NPFFR1: variants seen among roughly 807,000 people sequenced by gnomAD.
NPFFR1 encodes neuropeptide FF receptor 1.
In NPFFR1, 17 loss-of-function variants were observed where a neutral mutation model predicts 12.7. The ratio of observed to expected loss-of-function variants is 1.34; its 90% CI spans 0.92 to 2.01. The LOEUF is 2.01. NPFFR1 is among the 30% of genes most tolerant of loss of function. The pLI is 0.00. For synonymous variants in NPFFR1, 296 were observed against 264.5 expected (o/e 1.12, Z -1.16); for missense variants, 604 against 606.5 (o/e 1.00, Z 0.04).
At chr10:70,264,158 G>A (rs1426692012) in intron 2 of NPFFR1, among the ~76,000 whole-genome samples, 3 of 152,096 alleles carry the variant, frequency 2.0e-5, no homozygotes, top group African/African-American at 7.2e-5. Context: ...CAGGTCACTT[G>A]AGATCAAGAG....
chr10:70,283,728 C>A lies in NPFFR1; in HGVS notation c.-52G>T, dbSNP rs959346752. 3.3e-6 allele frequency: 5 copies of A among 1,531,078 alleles called. No homozygotes were observed. In the African/African-American group the frequency reaches 5.5e-5, roughly 17 times the overall value. The allele number at this position is 1,531,078 out of a possible 1,614,324, so 94.8% of individuals were successfully genotyped here. A position where few individuals can be genotyped will look rare whatever the true frequency, so the allele number is the denominator to read the frequency against. ...GTCTCCGATGGCGGGAGGCAGCGGGCCCCTTCGGGCCAGCGGGCAGAGGGA... is the reference window on the plus strand; with the variant it reads ...GTCTCCGATGGCGGGAGGCAGCGGGACCCTTCGGGCCAGCGGGCAGAGGGA... On this transcript the variant is annotated 5_prime_UTR_variant, in exon 1 of 4. Coordinates refer to ENST00000277942, the MANE Select transcript of NPFFR1 (RefSeq NM_022146.5).
At chr10:70,268,577 G>A (rs1255560985) in intron 1 of NPFFR1, among the ~76,000 whole-genome samples, 1 of 152,134 alleles carries the variant, frequency 6.6e-6, no homozygotes, top group Non-Finnish European at 1.5e-5. Context: ...AGCTGGGGCT[G>A]GGAGGTCCAA....
intron 1 of NPFFR1, among the ~76,000 whole-genome samples, chr10:70,282,189 C>T (rs1156565542): frequency 1.3e-5 from 2 of 152,110 alleles, no homozygotes; most frequent in African/African-American, 2.4e-5. Context: ...ATGTCTTCTT[C>T]CTATCGCTTG....
At chr10:70,266,954 C>T (rs760535301) in intron 1 of NPFFR1, among the ~76,000 whole-genome samples, 7 of 152,238 alleles carry the variant, frequency 4.6e-5, no homozygotes, top group Non-Finnish European at 7.3e-5. Flanking sequence ...CTTCCCTCTC[C>T]TTGCACTCAA....
intron 2 of NPFFR1, among the ~76,000 whole-genome samples, chr10:70,264,568 T>C (rs1564595039): frequency 1.3e-5 from 2 of 152,198 alleles, no homozygotes; most frequent in Admixed American, 6.5e-5. Flanking sequence ...AACATGTAAG[T>C]TTATTTTAAT....
chr10:70,270,526 C>T (rs540169784), intron 1 of NPFFR1, among the ~76,000 whole-genome samples: 3 of 152,338 alleles, frequency 2.0e-5, no homozygotes, highest in South Asian at 4.1e-4. Context: ...GCTCATCTTC[C>T]GAAGTCTGTC....
At position 70,260,632 on chromosome 10, in the gene NPFFR1, C is replaced by G; in HGVS notation, c.422+8G>C. 1 of 1,603,334 alleles carries G rather than the reference C, an allele frequency of 6.2e-7. No homozygotes were observed. The highest frequency in any genetic ancestry group is 8.5e-7 in the Non-Finnish European group (1 of 1,174,820). ...GCTCAGGCATAATCCAGCCAGGAAA[C>G]CTCTCACCTTTCCACAGCAATGGCC... is the stretch of plus-strand genomic sequence containing the variant. On this transcript the variant is annotated splice_region_variant and intron_variant, in intron 3 of 3. Coordinates refer to ENST00000277942, the MANE Select transcript of NPFFR1 (RefSeq NM_022146.5).
In NPFFR1 at chr10:70,268,278, G is replaced by GA. The variant is rs1258610950; in HGVS notation, c.8-1888dup. Among the ~76,000 whole-genome samples, 6 of 152,140 alleles carry GA rather than the reference G, an allele frequency of 3.9e-5. No individual in the cohort carries two copies. The South Asian group carries it at 1.0e-3, about 26-fold the overall frequency. ...AAATAAGGACTCAAAAAAACAACATGAAAAAATGTGGTTTCCATCATTATC... is the reference window on the plus strand; with the variant it reads ...AAATAAGGACTCAAAAAAACAACATGAAAAAAATGTGGTTTCCATCATTATC... On this transcript the variant is annotated intron_variant, in intron 1 of 3. Coordinates refer to ENST00000277942, the MANE Select transcript of NPFFR1 (RefSeq NM_022146.5).
intron 2 of NPFFR1, among the ~76,000 whole-genome samples, chr10:70,261,374 C>T (rs1032173976): frequency 6.6e-6 from 1 of 152,172 alleles, no homozygotes; most frequent in African/African-American, 2.4e-5. Context: ...TGAGTCAAAC[C>T]TCTTTCCTCT....
At chr10:70,271,248 C>T (rs1840740696) in intron 1 of NPFFR1, among the ~76,000 whole-genome samples, 1 of 152,176 alleles carries the variant, frequency 6.6e-6, no homozygotes, top group Non-Finnish European at 1.5e-5. Flanking sequence ...TGCCATGGCT[C>T]ACCCCTGTAG....
In NPFFR1 at chr10:70,266,140, C is replaced by T. The variant is rs1840686374; in HGVS notation, c.259G>A (p.Val87Ile). The change falls in exon 2 of 4, where the codon GTC becomes ATC. Residue 87 changes from valine (V) to isoleucine (I), a missense_variant. Physicochemically the swap from Val to Ile is conservative, Grantham distance 29. Coordinates refer to ENST00000277942, the MANE Select transcript of NPFFR1 (RefSeq NM_022146.5). Reference sequence around the variant, plus strand: ...AAGATGCCCACCAGCAGGTCACTGACAGCCAGGTTGAGGATGAACATGTTG... The same window carrying T: ...AAGATGCCCACCAGCAGGTCACTGATAGCCAGGTTGAGGATGAACATGTTG... The part of the protein sequence containing the change: ...VTNMFILNLA[V>I]SDLLVGIFCM... 1 of 1,613,918 alleles carries T rather than the reference C, an allele frequency of 6.2e-7. No individual in the cohort carries two copies.
At chr10:70,256,807 A>G (rs1235586346) in intron 3 of NPFFR1, among the ~76,000 whole-genome samples, 1 of 152,206 alleles carries the variant, frequency 6.6e-6, no homozygotes, top group African/African-American at 2.4e-5. Flanking sequence ...CTTGCTTCAT[A>G]TGCCATATAA....
intron 2 of NPFFR1, among the ~76,000 whole-genome samples, chr10:70,261,223 G>A (rs997139795): frequency 6.6e-6 from 1 of 151,984 alleles, no homozygotes; most frequent in Non-Finnish European, 1.5e-5. Flanking sequence ...TTCTCATCAC[G>A]AGATCTGATG....
intron 3 of NPFFR1, among the ~76,000 whole-genome samples, chr10:70,258,099 C>T (rs367841584): frequency 1.2e-4 from 19 of 152,266 alleles, no homozygotes; most frequent in African/African-American, 3.6e-4. Flanking sequence ...TGCAGAGCAC[C>T]GGTCACCTGG....
At chr10:70,258,097 A>G (rs577337356) in intron 3 of NPFFR1, among the ~76,000 whole-genome samples, 1 of 152,178 alleles carries the variant, frequency 6.6e-6, no homozygotes, top group African/African-American at 2.4e-5. Flanking sequence ...TATGCAGAGC[A>G]CCGGTCACCT....
intron 1 of NPFFR1, among the ~76,000 whole-genome samples, chr10:70,277,143 A>C (rs999988208): frequency 3.3e-5 from 5 of 152,324 alleles, no homozygotes; most frequent in Middle Eastern, 3.4e-3. Context: ...AACCAGGCCT[A>C]CACCCATCTG....
At chr10:70,277,135 C>A (rs1840812632) in intron 1 of NPFFR1, among the ~76,000 whole-genome samples, 1 of 152,230 alleles carries the variant, frequency 6.6e-6, no homozygotes, top group Non-Finnish European at 1.5e-5. Context: ...CCAATGAGAA[C>A]CAGGCCTACA....
At position 70,255,854 on chromosome 10, in the gene NPFFR1, A is replaced by T; in HGVS notation, c.423-27T>A. 6.3e-7 allele frequency: 1 copy of T among 1,585,642 alleles called. No homozygotes were observed. The highest frequency in any genetic ancestry group is 8.6e-7 in the Non-Finnish European group (1 of 1,166,136). ...TGCCGCGGGGAGAGAGACAGGCGGGATCTGGGTGGGTCCTAGGGCCCCTGC... is the reference window on the plus strand; with the variant it reads ...TGCCGCGGGGAGAGAGACAGGCGGGTTCTGGGTGGGTCCTAGGGCCCCTGC... On this transcript the variant is annotated intron_variant, in intron 3 of 3. Coordinates refer to ENST00000277942, the MANE Select transcript of NPFFR1 (RefSeq NM_022146.5). This position sits in a 1 kb window ranked among gnomAD's most constrained non-coding sequence, Gnocchi z 4.2.
Position 70,260,717 on chromosome 10 carries a change from T to C in NPFFR1, c.345A>G (p.Thr115=). 6.2e-7 allele frequency: 1 copy of C among 1,605,880 alleles called. No individual in the cohort carries two copies. Among genetic ancestry groups the C allele is most frequent in the South Asian group, 1.1e-5 (1 of 89,334 alleles). Residue 115 remains threonine (T), a synonymous_variant, in exon 3 of 4, where the codon ACA becomes ACG. Coordinates refer to ENST00000277942, the MANE Select transcript of NPFFR1 (RefSeq NM_022146.5). ...LITGWPFDNA[T]CKMSGLVQGM... is the part of the protein sequence containing the mutation. ...CCTGCACCAAGCCGCTCATCTTGCATGTGGCATTGTCGAAGGGCCACCCTG... is the reference window on the plus strand; with the variant it reads ...CCTGCACCAAGCCGCTCATCTTGCACGTGGCATTGTCGAAGGGCCACCCTG...
Sources: allele counts gnomAD v4.1 joint callset (sites outside exome capture counted in the v4.1 genomes callset), GRCh38; gene constraint gnomAD v4.1.1; non-coding constraint Gnocchi (gnomAD v3.1); transcripts MANE v1.5; gene names NCBI Gene and HGNC (gene_info 2026-07-23, HGNC 2026-07-21).